Variants in NOL4L observed in about 807,000 individuals in gnomAD.
NOL4L encodes nucleolar protein 4-like.
A neutral mutation model predicts 64.5 loss-of-function variants in NOL4L; 7 were observed. The observed-to-expected ratio is 0.11, with a 90% CI of 0.06 to 0.20. The LOEUF (loss-of-function observed/expected upper bound fraction) is 0.20, where lower values mean the gene tolerates loss of function less well. NOL4L is among the 10% of genes least tolerant of loss of function. The pLI is 1.00. For missense variants in NOL4L, 680 were observed against 967.1 expected (o/e 0.70, Z 3.94); for synonymous variants, 413 against 401.0 (o/e 1.03, Z -0.36).
At chr20:32,507,767 T>G (rs1222966522) in intron 4 of NOL4L, among the ~76,000 whole-genome samples, 1 of 152,150 alleles carries the variant, frequency 6.6e-6, no homozygotes, top group African/African-American at 2.4e-5. Flanking sequence ...CCCAGCACTT[T>G]GGGAGGCTAA....
chr20:32,549,402 C>G (rs889510863), intron 1 of NOL4L, among the ~76,000 whole-genome samples: 5 of 152,096 alleles, frequency 3.3e-5, no homozygotes, highest in African/African-American at 1.2e-4. Context: ...CAAATCAAAA[C>G]CATGGTGAGA....
intron 4 of NOL4L, among the ~76,000 whole-genome samples, chr20:32,502,747 C>T (rs1051891048): frequency 2.6e-5 from 4 of 151,586 alleles, no homozygotes; most frequent in African/African-American, 9.7e-5. Context: ...CCCGTCTCTA[C>T]TAAAAATACA....
chr20:32,522,051 A>G (rs2017961190), intron 2 of NOL4L, among the ~76,000 whole-genome samples: 1 of 152,116 alleles, frequency 6.6e-6, no homozygotes, highest in South Asian at 2.1e-4. Context: ...GTCCTTCTCC[A>G]TCTCTGTGAT....
intron 10 of NOL4L, among the ~76,000 whole-genome samples, chr20:32,449,557 A>AG (rs775928318): frequency 1.2e-4 from 18 of 152,228 alleles, no homozygotes; most frequent in Non-Finnish European, 2.4e-4. Context: ...ACCAAGGAGG[A>AG]GGTCCTAGGA....
chr20:32,485,058 C>CAAAAAAAAAAAAAAAAAAAAA lies in NOL4L; in HGVS notation c.700-10337_700-10317dup, dbSNP rs57444583. On this transcript the variant is annotated intron_variant, in intron 4 of 10. Transcript: ENST00000621426. ...TCGTGGAATTCTGTGGGGAAATTGC[C>CAAAAAAAAAAAAAAAAAAAAA]AAAAAAAAAAAAAAAAAAAAAAAAA... 4.7e-3 allele frequency among the ~76,000 whole-genome samples: 83 copies of CAAAAAAAAAAAAAAAAAAAAA among 17,802 alleles called. 1 individual carries two copies. Among genetic ancestry groups the CAAAAAAAAAAAAAAAAAAAAA allele is most frequent in the East Asian group, 0.011 (4 of 374 alleles). The allele number at this position is 17,802 out of a possible 152,430, so 11.7% of individuals were successfully genotyped here.
At chr20:32,481,544 CGTCTTCTCAGCTGGGAG>C (rs2015713637) in intron 4 of NOL4L, among the ~76,000 whole-genome samples, 1 of 151,660 alleles carries the variant, frequency 6.6e-6, no homozygotes, top group Non-Finnish European at 1.5e-5. Context: ...GGAGGAAGGC[CGTCTTCTCAGCTGGGAG>C]GAAGGCCGCA....
chr20:32,569,308 G>T (rs1326256665), intron 1 of NOL4L, among the ~76,000 whole-genome samples: 1 of 152,214 alleles, frequency 6.6e-6, no homozygotes, highest in East Asian at 1.9e-4. Flanking sequence ...CCAGAGCTGG[G>T]CCTTGCAGGT....
At chr20:32,461,508 C>T (rs1197458270) in intron 5 of NOL4L, among the ~76,000 whole-genome samples, 9 of 150,576 alleles carry the variant, frequency 6.0e-5, no homozygotes, top group Admixed American at 2.6e-4. Context: ...CTGCAAGCTC[C>T]GCCTCCCGGG....
chr20:32,459,275 C>G (rs1374622694), intron 5 of NOL4L, among the ~76,000 whole-genome samples: 1 of 147,002 alleles, frequency 6.8e-6, no homozygotes, highest in Admixed American at 6.8e-5. Flanking sequence ...GGGTCTTGCT[C>G]TGTTGCCCAG....
At position 32,585,105 on chromosome 20, in the gene NOL4L, T is replaced by A; in HGVS notation, c.-215A>T. The A allele has an allele frequency of 6.5e-6, 1 of 153,270 alleles. No individual in the cohort carries two copies. The allele number at this position is 153,270 out of a possible 1,614,324, so 9.5% of individuals were successfully genotyped here. A position where few individuals can be genotyped will look rare whatever the true frequency, so the allele number is the denominator to read the frequency against. On this transcript the variant is annotated 5_prime_UTR_variant, in exon 1 of 11. Transcript: ENST00000621426. The stretch of plus-strand genomic sequence containing the variant: ...CCTGCTCGGGCGGCGGCGGCGGCGT[T>A]GGCGGCGGCGGCTCCGGCTCGCCTC...
intron 1 of NOL4L, among the ~76,000 whole-genome samples, chr20:32,544,340 G>A (rs1280819037): frequency 6.6e-6 from 1 of 151,938 alleles, no homozygotes; most frequent in East Asian, 1.9e-4. Flanking sequence ...GGTACAAAGA[G>A]GCATGGGGCC....
At position 32,557,561 on chromosome 20, in the gene NOL4L, C is replaced by A. The variant is rs1196262937; in HGVS notation, c.321+27009G>T. Among the ~76,000 whole-genome samples, 3 of 152,194 alleles carry A rather than the reference C, an allele frequency of 2.0e-5. No homozygotes were observed. In the East Asian group the frequency reaches 5.8e-4, roughly 29 times the overall value. On this transcript the variant is annotated intron_variant, in intron 1 of 10. Coordinates refer to ENST00000621426, the MANE Select transcript of NOL4L (RefSeq NM_001256798.2). The stretch of plus-strand genomic sequence containing the variant: ...GCCAAGCTCTGCAACCTCATGCAAG[C>A]CGTTAATGGTGGGCAGGGGGCAAAC...
chr20:32,488,792 TTTC>T (rs2016248995), intron 4 of NOL4L, among the ~76,000 whole-genome samples: 1 of 30,180 alleles, frequency 3.3e-5, no homozygotes, highest in Admixed American at 3.8e-4. Context: ...CCTTCCTTCC[TTTC>T]TTTCTTTCTT....
At chr20:32,534,792 G>A (rs1366809453) in intron 1 of NOL4L, among the ~76,000 whole-genome samples, 1 of 151,270 alleles carries the variant, frequency 6.6e-6, no homozygotes, top group Non-Finnish European at 1.5e-5. Context: ...GAGGTGGGAG[G>A]ATCACTTGAG....
At chr20:32,462,232 G>C (rs1190976031) in intron 5 of NOL4L, among the ~76,000 whole-genome samples, 1 of 152,228 alleles carries the variant, frequency 6.6e-6, no homozygotes, top group Non-Finnish European at 1.5e-5. Flanking sequence ...TAGAGGTTTT[G>C]GTGAGGGAGC....
At chr20:32,554,986 AG>A (rs1372296140) in intron 1 of NOL4L, among the ~76,000 whole-genome samples, 2 of 152,156 alleles carry the variant, frequency 1.3e-5, no homozygotes, top group African/African-American at 4.8e-5. Context: ...CCAGTAACAA[AG>A]CAATGGAGCA....
At chr20:32,459,832 C>A (rs866806381) in intron 5 of NOL4L, among the ~76,000 whole-genome samples, 10 of 152,190 alleles carry the variant, frequency 6.6e-5, no homozygotes, top group South Asian at 6.2e-4. Flanking sequence ...CTGCGCCCAA[C>A]CCATTATTTA....
At position 32,510,049 on chromosome 20, in the gene NOL4L, C is replaced by A. The variant is rs560092444; in HGVS notation, c.699+1298G>T. Reference sequence around the variant, plus strand: ...TCTATAACCAACAACAAAAGCAACACCCTCATTACCGACACTCCTGCAGCT... The same window carrying A: ...TCTATAACCAACAACAAAAGCAACAACCTCATTACCGACACTCCTGCAGCT... On this transcript the variant is annotated intron_variant, in intron 4 of 10. Coordinates refer to ENST00000621426, the MANE Select transcript of NOL4L (RefSeq NM_001256798.2). The A allele has an allele frequency of 4.5e-3, 3,886 of 869,648 alleles. 23 individuals are homozygous for A. Among genetic ancestry groups the A allele is most frequent in the Non-Finnish European group, 5.3e-3 (3,144 of 596,398 alleles). 53.9% of individuals were successfully genotyped at this position (869,648 alleles called of 1,614,324 possible).
At chr20:32,454,300 G>A (rs945486780) in intron 6 of NOL4L, among the ~76,000 whole-genome samples, 3 of 152,220 alleles carry the variant, frequency 2.0e-5, no homozygotes, top group Non-Finnish European at 2.9e-5. Flanking sequence ...CAGCCAGGGC[G>A]ACAGGTCCGT....
Sources: gnomAD v4.1 joint callset for allele counts (sites outside exome capture counted in the v4.1 genomes callset) on GRCh38, gnomAD v4.1.1 for gene constraint, MANE v1.5 for transcripts, NCBI Gene and HGNC (gene_info 2026-07-23, HGNC 2026-07-21) for gene names.